Variants in TXNL4A observed in about 807,000 individuals in gnomAD.
The protein encoded by TXNL4A is thioredoxin-like protein 4A.
A neutral mutation model predicts 14.6 loss-of-function variants in TXNL4A; 17 were observed. The ratio of observed to expected loss-of-function variants is 1.16; its 90% CI spans 0.80 to 1.74. The LOEUF is 1.74. Ranked by LOEUF, TXNL4A falls within the 40% of genes most tolerant of loss-of-function variation. The probability of loss-of-function intolerance (pLI) is 0.00; values close to 1 mark genes in which losing one functional copy is unlikely to be tolerated. For missense variants in TXNL4A, 74 were observed against 195.2 expected (o/e 0.38, Z 3.70); for synonymous variants, 83 against 70.6 (o/e 1.18, Z -0.88).
chr18:80,025,173 T>C lies in TXNL4A; in HGVS notation c.-61+8678A>G, dbSNP rs201023470. On this transcript the variant is annotated intron_variant, in intron 1 of 2. Coordinates refer to the TXNL4A transcript ENST00000585474. ...AGGCACAACAAATAAGCAACCAGAATGGGAGAGTTATTTTCAGTGGTACCT... is the reference window on the plus strand; with the variant it reads ...AGGCACAACAAATAAGCAACCAGAACGGGAGAGTTATTTTCAGTGGTACCT... Among the ~76,000 whole-genome samples the C allele has an allele frequency of 7.9e-5, 12 of 152,286 alleles. No individual in the cohort carries two copies. In the East Asian group the frequency reaches 1.9e-3, roughly 24 times the overall value.
At chr18:80,025,605 G>A (rs987851654) in intron 1 of TXNL4A, among the ~76,000 whole-genome samples, 1 of 152,310 alleles carries the variant, frequency 6.6e-6, no homozygotes, top group South Asian at 2.1e-4. Context: ...CCCAGCGATT[G>A]TCTACCAACC....
intron 1 of TXNL4A, among the ~76,000 whole-genome samples, chr18:80,000,511 T>C (rs1200819791): frequency 6.6e-6 from 1 of 152,170 alleles, no homozygotes; most frequent in East Asian, 1.9e-4. Flanking sequence ...TTAATAAGAT[T>C]AAGTTTTTGA....
chr18:79,988,529 A>C lies in TXNL4A; in HGVS notation c.-137T>G. ...GAAATCCGGTCCCGCCCGCACACGCAAACTCCGCTGGGACTGCCACCCGGC... is the reference window on the plus strand; with the variant it reads ...GAAATCCGGTCCCGCCCGCACACGCCAACTCCGCTGGGACTGCCACCCGGC... On this transcript the variant is annotated 5_prime_UTR_variant, in exon 1 of 3. Transcript: ENST00000269601. The C allele has an allele frequency of 1.1e-6, 1 of 941,878 alleles. No homozygotes were observed. The highest frequency in any genetic ancestry group is 1.4e-6 in the Non-Finnish European group (1 of 721,468). 58.3% of individuals were successfully genotyped at this position (941,878 alleles called of 1,614,324 possible). A position where few individuals can be genotyped will look rare whatever the true frequency, so the allele number is the denominator to read the frequency against.
At position 80,017,910 on chromosome 18, in the gene TXNL4A, A is replaced by G. The variant is rs1268276818; in HGVS notation, c.-61+15941T>C. On this transcript the variant is annotated intron_variant, in intron 1 of 2. Coordinates refer to the TXNL4A transcript ENST00000585474. ...GTTAGGGAGGATTCCCTCTTTTTCT[A>G]TTGATTGGAATAGTTTCAGAAGGAA... is the stretch of plus-strand genomic sequence containing the variant. Among the ~76,000 whole-genome samples, 3 of 151,166 alleles carry G rather than the reference A, an allele frequency of 2.0e-5. No homozygotes were observed. The South Asian group carries it at 6.3e-4, about 32-fold the overall frequency.
At chr18:79,987,096 T>C (rs1357414328) in intron 1 of TXNL4A, among the ~76,000 whole-genome samples, 1 of 152,178 alleles carries the variant, frequency 6.6e-6, no homozygotes, top group African/African-American at 2.4e-5. Flanking sequence ...TGGTTCAAGG[T>C]CAAGTCGCAT....
upstream of TXNL4A, among the ~76,000 whole-genome samples, chr18:79,989,021 CGAGCAGCGGGGTAG>C (rs761430164): frequency 1.6e-4 from 24 of 152,350 alleles, no homozygotes; most frequent in Middle Eastern, 3.4e-3. Context: ...ACAGCAGAGT[CGAGCAGCGGGGTAG>C]GGAGGAAGCA....
intron 1 of TXNL4A, among the ~76,000 whole-genome samples, chr18:80,017,137 G>A (rs2051816605): frequency 6.7e-6 from 1 of 149,992 alleles, no homozygotes; most frequent in Middle Eastern, 3.4e-3. Flanking sequence ...GTGAATGGGA[G>A]TTCACTCATG....
intron 1 of TXNL4A, among the ~76,000 whole-genome samples, chr18:79,994,325 A>G (rs1016903818): frequency 6.6e-6 from 1 of 152,190 alleles, no homozygotes; most frequent in Non-Finnish European, 1.5e-5. Flanking sequence ...CTTTCTTGGT[A>G]CCTGGAGAGT....
In TXNL4A at chr18:79,982,453, G is replaced by T. The variant is rs1004126431; in HGVS notation, c.154-4752C>A. Among the ~76,000 whole-genome samples the T allele has an allele frequency of 3.9e-5, 6 of 152,142 alleles. No homozygotes were observed. Among genetic ancestry groups the T allele is most frequent in the Non-Finnish European group, 7.4e-5 (5 of 68,016 alleles). On this transcript the variant is annotated intron_variant, in intron 1 of 2. Coordinates refer to ENST00000269601, the MANE Select transcript of TXNL4A (RefSeq NM_006701.5). The surrounding 1 kb of genome is among the most constrained non-coding windows in gnomAD (Gnocchi z 4.0). ...GGCTGGAGAGAGCTACCTTACTGCC[G>T]CCACCTACATCCAGCAGTGATCCCA...
chr18:79,986,697 G>C, intron 1 of TXNL4A: 1 of 985,462 alleles, frequency 1.0e-6, no homozygotes, highest in Middle Eastern at 5.2e-4. Context: ...AGCCATCCTA[G>C]CCTCGAGCTG....
At chr18:79,995,784 C>G (rs1418360193) in intron 1 of TXNL4A, among the ~76,000 whole-genome samples, 3 of 152,176 alleles carry the variant, frequency 2.0e-5, no homozygotes, top group Admixed American at 6.5e-5. Context: ...GGACTCTTCC[C>G]TCCCAGTCTG....
intron 1 of TXNL4A, among the ~76,000 whole-genome samples, chr18:80,033,113 A>T (rs939058036): frequency 6.6e-6 from 1 of 152,178 alleles, no homozygotes; most frequent in African/African-American, 2.4e-5. Context: ...TTGGCAAATA[A>T]ATCTCCTAAA....
chr18:80,019,864 G>A (rs965187562), intron 1 of TXNL4A, among the ~76,000 whole-genome samples: 14 of 152,042 alleles, frequency 9.2e-5, no homozygotes, highest in African/African-American at 2.2e-4. Context: ...TTTGCGTAGC[G>A]TTAAAAATGC....
intron 1 of TXNL4A, among the ~76,000 whole-genome samples, chr18:80,031,541 T>C (rs894697226): frequency 1.3e-5 from 2 of 152,224 alleles, no homozygotes; most frequent in African/African-American, 4.8e-5. Context: ...GGTATGATCA[T>C]TTAACTTCAA....
At chr18:79,979,257 A>G (rs1352044434) in intron 1 of TXNL4A, 3 of 152,194 alleles carry the variant, frequency 2.0e-5, no homozygotes, top group Non-Finnish European at 4.4e-5. Context: ...ATTCTTTTAC[A>G]TACATTACCT....
intron 1 of TXNL4A, among the ~76,000 whole-genome samples, chr18:80,033,505 T>A (rs893114514): frequency 6.6e-6 from 1 of 152,172 alleles, no homozygotes; most frequent in Non-Finnish European, 1.5e-5. Context: ...TTTCTCTAGG[T>A]GCCCGGGGAG....
intron 1 of TXNL4A, among the ~76,000 whole-genome samples, chr18:80,016,519 C>G (rs1017759254): frequency 6.6e-6 from 1 of 151,868 alleles, no homozygotes; most frequent in African/African-American, 2.4e-5. Context: ...GTCTTTAATC[C>G]ATCTTGAATT....
intron 1 of TXNL4A, among the ~76,000 whole-genome samples, chr18:79,984,993 T>C (rs568702636): frequency 4.6e-5 from 7 of 151,946 alleles, no homozygotes; most frequent in Non-Finnish European, 8.8e-5. Flanking sequence ...GCACATGAAA[T>C]TGTCTCCTGT....
At chr18:79,988,572 A>G, upstream of TXNL4A, 2 of 554,566 alleles carry the variant, frequency 3.6e-6, no homozygotes, top group Non-Finnish European at 5.3e-6. Flanking sequence ...CTGGGCGCGC[A>G]CGCACCGACG....
Sources: gnomAD v4.1 joint callset for allele counts (sites outside exome capture counted in the v4.1 genomes callset) on GRCh38, gnomAD v4.1.1 for gene constraint, Gnocchi (gnomAD v3.1) non-coding constraint, MANE v1.5 for transcripts, NCBI Gene and HGNC (gene_info 2026-07-23, HGNC 2026-07-21) for gene names.